The following RABGAP1L variants were observed in gnomAD, a reference collection of about 807,000 sequenced individuals.
RABGAP1L encodes the protein rab GTPase-activating protein 1-like.
Under a neutral mutation model 137.7 loss-of-function variants are expected in RABGAP1L, and 63 were observed. That is an observed-to-expected ratio of 0.46 (90% CI 0.37 to 0.56). The LOEUF is 0.56. Ranked by LOEUF, RABGAP1L falls within the 20% of genes least tolerant of loss-of-function variation. The pLI, the probability that RABGAP1L is intolerant of heterozygous loss-of-function variation, is 0.00. For missense variants in RABGAP1L, 1,095 were observed against 1,244.0 expected, an observed-to-expected ratio of 0.88 and a Z score of 1.80; for synonymous variants, 431 against 433.7, an observed-to-expected ratio of 0.99 and a Z score of 0.08.
chr1:174,744,349 A>G (rs865966365), intron 17 of RABGAP1L, among the ~76,000 whole-genome samples: 50 of 151,270 alleles, frequency 3.3e-4, no homozygotes, highest in Middle Eastern at 3.4e-3. Flanking sequence ...GTATTAACTT[A>G]TTTCTTTTTG....
At position 174,448,124 on chromosome 1, in the gene RABGAP1L, A is replaced by G; in HGVS notation, c.1710+53979A>G. On this transcript the variant is annotated intron_variant, in intron 13 of 25. Coordinates refer to ENST00000681986, the MANE Select transcript of RABGAP1L (RefSeq NM_001366446.1). The surrounding 1 kb of genome is among the most constrained non-coding windows in gnomAD (Gnocchi z 4.2). ...AAATTTCCAAGCCATGAATGAATCC[A>G]GGTGGACTGAATGGAGGATCCTGAA... 6.2e-7 allele frequency: 1 copy of G among 1,611,728 alleles called. No homozygotes were observed. Among genetic ancestry groups the G allele is most frequent in the Non-Finnish European group, 8.5e-7 (1 of 1,178,504 alleles).
intron 1 of RABGAP1L, among the ~76,000 whole-genome samples, chr1:174,199,318 G>T (rs1667936011): frequency 6.6e-6 from 1 of 151,998 alleles, no homozygotes; most frequent in South Asian, 2.1e-4. Context: ...TTAAGACAGG[G>T]TCTCGCTCTA....
Position 174,990,148 on chromosome 1 carries a change from A to G in RABGAP1L, c.*147A>G. 9.4e-7 allele frequency: 1 copy of G among 1,061,442 alleles called. No homozygotes were observed. Among genetic ancestry groups the G allele is most frequent in the Admixed American group, 2.9e-5 (1 of 34,690 alleles). 65.8% of individuals were successfully genotyped at this position (1,061,442 alleles called of 1,614,324 possible). ...TAGCTCTCACTCTTTCTTGTATGACACTTTTCAAAGGGATGCTATTTAAAC... is the reference window on the plus strand; with the variant it reads ...TAGCTCTCACTCTTTCTTGTATGACGCTTTTCAAAGGGATGCTATTTAAAC... On this transcript the variant is annotated 3_prime_UTR_variant, in exon 26 of 26. Coordinates refer to ENST00000681986, the MANE Select transcript of RABGAP1L (RefSeq NM_001366446.1).
At chr1:174,628,661 G>C (rs1441495395) in intron 13 of RABGAP1L, among the ~76,000 whole-genome samples, 3 of 152,170 alleles carry the variant, frequency 2.0e-5, no homozygotes, top group Admixed American at 2.0e-4. Flanking sequence ...TAGAATCAAT[G>C]AGTTTATCTG....
chr1:174,648,276 A>G (rs1675162456), intron 14 of RABGAP1L, among the ~76,000 whole-genome samples: 2 of 151,760 alleles, frequency 1.3e-5, no homozygotes, highest in Admixed American at 1.3e-4. Flanking sequence ...TTGCTTCCCT[A>G]GTTCTTTTAA....
At chr1:174,800,147 G>C (rs1688619945) in intron 18 of RABGAP1L, 21 of 1,386,294 alleles carry the variant, frequency 1.5e-5, no homozygotes, top group Non-Finnish European at 2.0e-5. Flanking sequence ...GTCTACTTTG[G>C]GGTTCTCGCA....
chr1:174,241,881 A>G (rs1348019461), intron 5 of RABGAP1L, among the ~76,000 whole-genome samples: 2 of 152,218 alleles, frequency 1.3e-5, no homozygotes, highest in African/African-American at 2.4e-5. Context: ...AGAAAAATAC[A>G]ACTGGATGAG....
At chr1:174,849,010 C>A (rs928619316) in intron 19 of RABGAP1L, among the ~76,000 whole-genome samples, 52 of 152,290 alleles carry the variant, frequency 3.4e-4, no homozygotes, top group African/African-American at 1.2e-3. Context: ...TCCGTCACCG[C>A]TTTCTTTGAC....
chr1:174,848,092 C>T (rs1475860171), intron 19 of RABGAP1L, among the ~76,000 whole-genome samples: 1 of 1,016 alleles, frequency 9.8e-4, no homozygotes, highest in East Asian at 0.01. Context: ...CTCCTTTAAG[C>T]ACTTCTCTGT....
intron 1 of RABGAP1L, among the ~76,000 whole-genome samples, chr1:174,164,609 G>A (rs982744017): frequency 1.3e-5 from 2 of 152,144 alleles, no homozygotes; most frequent in Admixed American, 6.5e-5. Flanking sequence ...AATTGGTCAT[G>A]GTGGGAATAT....
At position 174,957,481 on chromosome 1, in the gene RABGAP1L, T is replaced by C. The variant is rs1229573941; in HGVS notation, c.2365T>C (p.Tyr789His). 1 of 1,613,426 alleles carries C rather than the reference T, an allele frequency of 6.2e-7. No homozygotes were observed. The highest frequency in any genetic ancestry group is 8.5e-7 in the Non-Finnish European group (1 of 1,179,606). Reference protein sequence around the residue: ...IKVPTKKLKKYEKEYQTMRES... With the variant: ...IKVPTKKLKKHEKEYQTMRES... ...GGTACCAACCAAGAAGCTGAAGAAA[T>C]ATGAGAAAGAATATCAGACAATGCG... The change falls in exon 20 of 26, where the codon TAT becomes CAT. Residue 789 changes from tyrosine (Y) to histidine (H), a missense_variant. Transcript: ENST00000681986.
At chr1:174,198,259 A>G (rs992525193) in intron 1 of RABGAP1L, among the ~76,000 whole-genome samples, 9 of 152,196 alleles carry the variant, frequency 5.9e-5, no homozygotes, top group African/African-American at 1.4e-4. Flanking sequence ...GTCCAAATCC[A>G]TAGTGTATAT....
intron 13 of RABGAP1L, among the ~76,000 whole-genome samples, chr1:174,400,229 T>A (rs1648403559): frequency 1.3e-5 from 2 of 152,200 alleles, no homozygotes; most frequent in Admixed American, 1.3e-4. Context: ...CTATCTTTTA[T>A]ACCTTTTAAT....
intron 8 of RABGAP1L, among the ~76,000 whole-genome samples, chr1:174,274,706 T>G (rs972281374): frequency 6.6e-6 from 1 of 151,332 alleles, no homozygotes; most frequent in East Asian, 1.9e-4. Context: ...CGTTTACAAG[T>G]GACCTTGAGT....
At chr1:174,372,184 C>G (rs1685164001) in intron 12 of RABGAP1L, among the ~76,000 whole-genome samples, 1 of 151,938 alleles carries the variant, frequency 6.6e-6, no homozygotes, top group South Asian at 2.1e-4. Flanking sequence ...TCAAAAGGGT[C>G]AGAATCTAAT....
intron 18 of RABGAP1L, among the ~76,000 whole-genome samples, chr1:174,789,437 T>C (rs958475086): frequency 1.3e-5 from 2 of 152,146 alleles, no homozygotes; most frequent in Admixed American, 6.5e-5. Context: ...TCCCTGATTT[T>C]TCAATACTGC....
chr1:174,460,832 A>T (rs1656604929), intron 13 of RABGAP1L, among the ~76,000 whole-genome samples: 1 of 152,060 alleles, frequency 6.6e-6, no homozygotes, highest in African/African-American at 2.4e-5. Context: ...ACTAAAACAG[A>T]TAGATAGATA....
chr1:174,278,747 T>G lies in RABGAP1L; in HGVS notation c.1291T>G (p.Phe431Val). 1 of 1,583,022 alleles carries G rather than the reference T, an allele frequency of 6.3e-7. No homozygotes were observed. The highest frequency in any genetic ancestry group is 8.5e-7 in the Non-Finnish European group (1 of 1,169,630). The change falls in exon 10 of 26, where the codon TTC (phenylalanine) becomes GTC (valine). Residue 431 changes from phenylalanine to valine, a missense_variant. Coordinates refer to ENST00000681986, the MANE Select transcript of RABGAP1L (RefSeq NM_001366446.1). ...ATTTTGGTATTTCAGCAGAAAGACTTTCACAGAGACTTTCTTCATGAGATT... is the reference window on the plus strand; with the variant it reads ...ATTTTGGTATTTCAGCAGAAAGACTGTCACAGAGACTTTCTTCATGAGATT... ...ERFWYFSRKT[F>V]TETFFMRLKQ...
chr1:174,847,264 G>A (rs1407417498), intron 19 of RABGAP1L, among the ~76,000 whole-genome samples: 1 of 151,726 alleles, frequency 6.6e-6, no homozygotes, highest in African/African-American at 2.4e-5. Flanking sequence ...ATTTGATCCT[G>A]TCATTATGAT....
Sources: allele counts gnomAD v4.1 joint callset (sites outside exome capture counted in the v4.1 genomes callset), GRCh38; gene constraint gnomAD v4.1.1; non-coding constraint Gnocchi (gnomAD v3.1); transcripts MANE v1.5; gene names NCBI Gene and HGNC (gene_info 2026-07-23, HGNC 2026-07-21).